The following ANK1 variants were observed in gnomAD, a reference collection of about 807,000 sequenced individuals.
ANK1 encodes ankyrin-1.
A neutral mutation model predicts 210.4 loss-of-function variants in ANK1; 51 were observed. That is an observed-to-expected ratio of 0.24 (90% confidence interval 0.19 to 0.31). The LOEUF is 0.31. Among genes scored for constraint, ANK1 ranks in the 10% least tolerant of loss-of-function variants. ANK1 has a pLI of 1.00. For missense variants in ANK1, 2,051 were observed against 2,504.4 expected (o/e 0.82, Z 3.86); for synonymous variants, 967 against 1,025.9 (o/e 0.94, Z 1.10).
In ANK1 at chr8:41,694,540, A is replaced by C; in HGVS notation, c.3327+52T>G. 1.9e-6 allele frequency: 3 copies of C among 1,555,118 alleles called. No individual in the cohort carries two copies. Among genetic ancestry groups the C allele is most frequent in the Non-Finnish European group, 2.6e-6 (3 of 1,136,370 alleles). On this transcript the variant is annotated intron_variant, in intron 28 of 42. Coordinates refer to ENST00000289734, the MANE Select transcript of ANK1 (RefSeq NM_000037.4). This position sits in a 1 kb window ranked among gnomAD's most constrained non-coding sequence, Gnocchi z 5.7. ...CTGGGGAAGAGGGTGGCCTTCCCGG[A>C]GGCCTGGAGTTCAGTCCACCCCCAG...
chr8:41,661,509 G>A lies in ANK1; in HGVS notation c.5600C>T (p.Ala1867Val), dbSNP rs767580738. The part of the protein sequence containing the change: ...QPDLIEGRKG[A>V]QIVKRASLKR... ...CAGGCTGGCCCGCTTCACTATCTGC[G>A]CCCCCTTCCTGCCCTCTATCAGGTC... The change falls in exon 42 of 43, where the codon GCG becomes GTG. Residue 1867 changes from alanine to valine, a missense_variant. Physicochemically the swap from Ala to Val is moderately conservative, Grantham distance 64 (BLOSUM62 0). Around this residue, in one of 6 missense-constraint regions of ANK1, gnomAD observed 496 missense variants for 533.4 expected, o/e 0.93. Transcript: ENST00000289734. 2.3e-5 allele frequency: 37 copies of A among 1,613,846 alleles called. No homozygotes were observed. In the Middle Eastern group the frequency reaches 4.9e-4, roughly 22 times the overall value.
chr8:41,767,372 C>A (rs1335708280), intron 1 of ANK1, among the ~76,000 whole-genome samples: 1 of 151,634 alleles, frequency 6.6e-6, no homozygotes, highest in African/African-American at 2.4e-5. Context: ...TGCCCTGTCG[C>A]GCTGCCATCG....
At chr8:41,835,110 A>G (rs1587311451) in intron 1 of ANK1, among the ~76,000 whole-genome samples, 1 of 152,352 alleles carries the variant, frequency 6.6e-6, no homozygotes. Context: ...CAGGCCTAGA[A>G]GCAAGCCGGT....
At chr8:41,747,108 T>C (rs759407124) in intron 2 of ANK1, among the ~76,000 whole-genome samples, 1 of 152,164 alleles carries the variant, frequency 6.6e-6, no homozygotes, top group Non-Finnish European at 1.5e-5. Flanking sequence ...ACAGAAAAAG[T>C]AATATGCCAA....
chr8:41,666,923 T>C (rs2150554313), intron 39 of ANK1, among the ~76,000 whole-genome samples: 1 of 152,316 alleles, frequency 6.6e-6, no homozygotes, highest in South Asian at 2.1e-4. Flanking sequence ...CCCTCATTTA[T>C]AATTGAGGGA....
intron 1 of ANK1, among the ~76,000 whole-genome samples, chr8:41,814,083 C>T (rs1275394333): frequency 2.0e-5 from 3 of 152,174 alleles, no homozygotes; most frequent in Non-Finnish European, 4.4e-5. Flanking sequence ...TCATAGAGGC[C>T]GGGCGTGGCG....
chr8:41,689,557 T>TA (rs1248173331), intron 33 of ANK1, among the ~76,000 whole-genome samples: 2 of 152,114 alleles, frequency 1.3e-5, no homozygotes, highest in Non-Finnish European at 2.9e-5. Flanking sequence ...GGCTAATGAT[T>TA]AAAACAACAA....
Position 41,696,727 on chromosome 8 carries a change from G to T in ANK1, c.2684C>A (p.Ala895Asp). 3 of 1,602,242 alleles carry T rather than the reference G, an allele frequency of 1.9e-6. No individual in the cohort carries two copies. The highest frequency in any genetic ancestry group is 1.7e-6 in the Non-Finnish European group (2 of 1,179,948). Residue 895 changes from alanine (A) to aspartate (D), a missense_variant, in exon 25 of 43, where the codon GCC (alanine) becomes GAC (aspartate). Coordinates refer to ENST00000289734, the MANE Select transcript of ANK1 (RefSeq NM_000037.4). ...GCTGATGTTGTCTGAGGTCTCGGTG[G>T]CCGGGCTGCTGGGGATGAGGGAGTC... is the stretch of plus-strand genomic sequence containing the variant. Reference protein sequence around the residue: ...DEDSLIPSSPATETSDNISPV... With the variant: ...DEDSLIPSSPDTETSDNISPV...
intron 37 of ANK1, among the ~76,000 whole-genome samples, chr8:41,680,137 C>T (rs1296967570): frequency 1.3e-5 from 2 of 152,188 alleles, no homozygotes; most frequent in Admixed American, 6.5e-5. Context: ...CTTGGAATTG[C>T]GATGAGACTT....
chr8:41,832,536 A>G (rs1196908891), intron 1 of ANK1, among the ~76,000 whole-genome samples: 1 of 152,176 alleles, frequency 6.6e-6, no homozygotes, highest in Non-Finnish European at 1.5e-5. Context: ...AGGCTGTCCC[A>G]AAGCCCTGAA....
chr8:41,736,016 T>C (rs192053665), intron 2 of ANK1, among the ~76,000 whole-genome samples: 14 of 152,250 alleles, frequency 9.2e-5, no homozygotes, highest in Middle Eastern at 3.4e-3. Flanking sequence ...AAATGACCAC[T>C]GGCCATTAGG....
chr8:41,706,653 C>G (rs1242295615), intron 17 of ANK1, among the ~76,000 whole-genome samples: 1 of 152,184 alleles, frequency 6.6e-6, no homozygotes, highest in Non-Finnish European at 1.5e-5. Flanking sequence ...ATGGACTTCC[C>G]AGTAAAGAAT....
intron 39 of ANK1, chr8:41,664,748 GC>G: frequency 6.6e-7 from 1 of 1,515,886 alleles, no homozygotes; most frequent in Non-Finnish European, 8.9e-7. Flanking sequence ...CGTCCCCTCA[GC>G]CCCGGCCTCC....
intron 11 of ANK1, 46 bp downstream of exon 11, chr8:41,718,060 G>C: frequency 2.5e-6 from 4 of 1,585,082 alleles, no homozygotes; most frequent in Non-Finnish European, 3.5e-6. Context: ...GGTGGGTCGG[G>C]GGAGACCACA....
At chr8:41,684,005 G>A (rs1377438021) in intron 37 of ANK1, among the ~76,000 whole-genome samples, 1 of 152,224 alleles carries the variant, frequency 6.6e-6, no homozygotes, top group East Asian at 1.9e-4. Flanking sequence ...CCCGGCTCCA[G>A]GAAGAGCAAA....
chr8:41,817,964 G>A (rs1409025088), intron 1 of ANK1, among the ~76,000 whole-genome samples: 1 of 152,230 alleles, frequency 6.6e-6, no homozygotes, highest in Non-Finnish European at 1.5e-5. Context: ...CTGCCAATGG[G>A]CTGCACCCAT....
At chr8:41,873,564 C>T (rs1484143148) in intron 1 of ANK1, among the ~76,000 whole-genome samples, 5 of 152,184 alleles carry the variant, frequency 3.3e-5, no homozygotes, top group Admixed American at 6.5e-5. Context: ...TGCAACCAAG[C>T]TAGGCTAGTC....
chr8:41,749,295 C>CTTTTTT (rs35569972), intron 2 of ANK1, among the ~76,000 whole-genome samples: 13 of 115,414 alleles, frequency 1.1e-4, no homozygotes, highest in Admixed American at 1.9e-4. Context: ...TCATCTTGGA[C>CTTTTTT]TTTTTTTTTT....
chr8:41,830,019 C>T (rs1461783152), intron 1 of ANK1: 2 of 150,910 alleles, frequency 1.3e-5, no homozygotes, highest in East Asian at 1.9e-4. Flanking sequence ...CCTAGATATT[C>T]CTCCGATAAC....
Sources: gnomAD v4.1 joint callset for allele counts (sites outside exome capture counted in the v4.1 genomes callset) on GRCh38, gnomAD v4.1.1 for gene constraint, gnomAD v4.1.1 regional missense constraint, Gnocchi (gnomAD v3.1) non-coding constraint, MANE v1.5 for transcripts, NCBI Gene and HGNC (gene_info 2026-07-23, HGNC 2026-07-21) for gene names.